CDC5L: variants seen among roughly 807,000 people sequenced by gnomAD.
The protein encoded by CDC5L is cell division cycle 5-like protein.
In CDC5L, 18 loss-of-function variants were observed where a neutral mutation model predicts 104.1. The ratio of observed to expected loss-of-function variants is 0.17; its 90% CI spans 0.12 to 0.26. CDC5L has a LOEUF of 0.26. CDC5L is among the 10% of genes least tolerant of loss of function. The pLI is 1.00. For synonymous variants in CDC5L, 331 were observed against 322.7 expected (o/e 1.03, Z -0.28); for missense variants, 673 against 956.9 (o/e 0.70, Z 3.91).
intron 2 of CDC5L, among the ~76,000 whole-genome samples, chr6:44,391,744 A>G (rs1790632213): frequency 6.6e-6 from 1 of 151,874 alleles, no homozygotes; most frequent in Admixed American, 6.6e-5. Context: ...GTGGTGGCTC[A>G]CATCTGTAAG....
At chr6:44,399,002 G>A (rs1790996034) in intron 5 of CDC5L, among the ~76,000 whole-genome samples, 1 of 152,232 alleles carries the variant, frequency 6.6e-6, no homozygotes, top group Non-Finnish European at 1.5e-5. Context: ...GTCTTTCTCT[G>A]TTGCCTAGGC....
At chr6:44,429,541 A>G (rs2153382291) in intron 13 of CDC5L, among the ~76,000 whole-genome samples, 172 bp from the exon 14 acceptor site, 1 of 152,280 alleles carries the variant, frequency 6.6e-6, no homozygotes, top group Middle Eastern at 3.4e-3. Context: ...CATTGACTCA[A>G]AGGCTTCTTA....
In CDC5L at chr6:44,429,175, C is replaced by T. The variant is rs185682316; in HGVS notation, c.1894-538C>T. On this transcript the variant is annotated intron_variant, in intron 13 of 15. Transcript: ENST00000371477. The stretch of plus-strand genomic sequence containing the variant: ...TAGCTAGGATTACAGGCATGTGCCA[C>T]TACGTCCTACTAATTTTTACATTTT... Among the ~76,000 whole-genome samples the T allele has an allele frequency of 5.9e-5, 9 of 152,208 alleles. No homozygotes were observed. The East Asian group carries it at 1.7e-3, about 29-fold the overall frequency.
chr6:44,419,621 A>T (rs1363704332), intron 9 of CDC5L, 24 bp downstream of exon 9: 10 of 1,587,622 alleles, frequency 6.3e-6, no homozygotes, highest in Non-Finnish European at 8.6e-6. Context: ...ACACGTTTTT[A>T]TTTTAGAAAA....
At chr6:44,416,088 T>A (rs1209276635) in intron 8 of CDC5L, among the ~76,000 whole-genome samples, 1 of 152,210 alleles carries the variant, frequency 6.6e-6, no homozygotes, top group Non-Finnish European at 1.5e-5. Context: ...GTTTTGCTTC[T>A]GTCTCTTGGC....
rs758055277 is a variant in CDC5L, at chr6:44,426,612, C to A, written c.1781C>A (p.Pro594Gln). 6.2e-7 allele frequency: 1 copy of A among 1,613,284 alleles called. No individual in the cohort carries two copies. The highest frequency in any genetic ancestry group is 1.3e-5 in the African/African-American group (1 of 74,828). Residue 594 changes from proline to glutamine, a missense_variant, in exon 13 of 16, where the codon CCA becomes CAA. Pro to Gln is a moderately conservative substitution (Grantham distance 76). Transcript: ENST00000371477. ...HYDLLHHPYE[P>Q]SGNKKGKTVG... ...GACCTTCTACATCACCCTTATGAAC[C>A]ATCTGGAAATAAAAAAGGCAAAACT...
At chr6:44,393,346 G>T (rs889413000) in intron 3 of CDC5L, 100 bp from the exon 4 acceptor site, 8 of 1,152,156 alleles carry the variant, frequency 6.9e-6, no homozygotes, top group African/African-American at 3.1e-5. Context: ...CCATCCATTG[G>T]TTTTTTTGGG....
Position 44,446,768 on chromosome 6 carries a change from A to T in CDC5L, c.*57A>T. 1.2e-6 allele frequency: 1 copy of T among 820,628 alleles called. No homozygotes were observed. The highest frequency in any genetic ancestry group is 2.0e-6 in the Non-Finnish European group (1 of 505,590). The allele number at this position is 820,628 out of a possible 1,614,324, so 50.8% of individuals were successfully genotyped here. A position where few individuals can be genotyped will look rare whatever the true frequency, so the allele number is the denominator to read the frequency against. On this transcript the variant is annotated 3_prime_UTR_variant, in exon 16 of 16. Coordinates refer to ENST00000371477, the MANE Select transcript of CDC5L (RefSeq NM_001253.4). Reference sequence around the variant, plus strand: ...TAATTGCCGGTTTTCATACTCTAGAAGGCTGAAACTGATGTTTATCTTCAT... The same window carrying T: ...TAATTGCCGGTTTTCATACTCTAGATGGCTGAAACTGATGTTTATCTTCAT...
At chr6:44,442,821 A>G (rs1581663678) in intron 14 of CDC5L, among the ~76,000 whole-genome samples, 1 of 152,168 alleles carries the variant, frequency 6.6e-6, no homozygotes, top group African/African-American at 2.4e-5. Context: ...ATACAAAAAA[A>G]GTTTTATACT....
intron 9 of CDC5L, among the ~76,000 whole-genome samples, chr6:44,421,634 A>C (rs549180310): frequency 6.6e-6 from 1 of 152,340 alleles, no homozygotes; most frequent in Admixed American, 6.5e-5. Flanking sequence ...TGTGGATAAA[A>C]AATATTCCAA....
chr6:44,408,109 G>A (rs556599656), intron 7 of CDC5L, among the ~76,000 whole-genome samples: 1 of 152,086 alleles, frequency 6.6e-6, no homozygotes, highest in Non-Finnish European at 1.5e-5. Context: ...CTCACATTCT[G>A]TAGGGAAGGC....
intron 1 of CDC5L, among the ~76,000 whole-genome samples, chr6:44,389,703 G>C (rs1171111428): frequency 6.6e-6 from 1 of 152,116 alleles, no homozygotes; most frequent in Non-Finnish European, 1.5e-5. Flanking sequence ...GGGGCTGGAG[G>C]GGAAATGCCA....
chr6:44,445,728 G>A lies in CDC5L; in HGVS notation c.2165G>A (p.Gly722Glu). Residue 722 changes from glycine (G) to glutamate (E), a missense_variant, in exon 15 of 16, where the codon GGG becomes GAG. Physicochemically the swap from Gly to Glu is moderately conservative, Grantham distance 98. This residue lies in a region of CDC5L where 578 missense variants were observed against 737.0 expected (regional missense o/e 0.78). Transcript: ENST00000371477. The stretch of plus-strand genomic sequence containing the variant: ...GAAAAGAAGATGAAAATTTTGCTTG[G>A]GGGTTACCAGTCTCGTGCTATGGGG... ...KMEKKMKILL[G>E]GYQSRAMGLM... 1 of 1,614,022 alleles carries A rather than the reference G, an allele frequency of 6.2e-7. No individual in the cohort carries two copies. Among genetic ancestry groups the A allele is most frequent in the Non-Finnish European group, 8.5e-7 (1 of 1,179,958 alleles).
chr6:44,399,561 G>C (rs569697996), intron 5 of CDC5L, among the ~76,000 whole-genome samples: 1 of 152,164 alleles, frequency 6.6e-6, no homozygotes, highest in Admixed American at 6.5e-5. Flanking sequence ...TTGCATAATT[G>C]TTACTGCTCT....
At position 44,448,025 on chromosome 6, in the gene CDC5L, A is replaced by G. The variant is rs910010220; in HGVS notation, c.*1314A>G. On this transcript the variant is annotated 3_prime_UTR_variant, in exon 16 of 16. Transcript: ENST00000371477. The stretch of plus-strand genomic sequence containing the variant: ...CAAAGAGACCTCTTGGAAGGCAGCT[A>G]TGCTCACCACTATACCACTGCACTG... The G allele has an allele frequency of 1.3e-5, 2 of 152,220 alleles. No homozygotes were observed. Among genetic ancestry groups the G allele is most frequent in the Non-Finnish European group, 2.9e-5 (2 of 68,046 alleles). The allele number at this position is 152,220 out of a possible 1,614,324, so 9.4% of individuals were successfully genotyped here. A position where few individuals can be genotyped will look rare whatever the true frequency, so the allele number is the denominator to read the frequency against.
chr6:44,391,555 C>T (rs1348398501), intron 2 of CDC5L, among the ~76,000 whole-genome samples: 1 of 152,214 alleles, frequency 6.6e-6, no homozygotes, highest in East Asian at 1.9e-4. Flanking sequence ...GCTGGTGTCA[C>T]CTCTTAAATC....
intron 14 of CDC5L, among the ~76,000 whole-genome samples, chr6:44,445,285 G>A (rs1793395390): frequency 6.6e-6 from 1 of 152,018 alleles, no homozygotes; most frequent in Admixed American, 6.6e-5. Context: ...TAAATTTTTG[G>A]GATATAGATG....
intron 7 of CDC5L, among the ~76,000 whole-genome samples, chr6:44,406,836 C>T (rs1030298586): frequency 2.0e-5 from 3 of 152,034 alleles, no homozygotes; most frequent in South Asian, 2.1e-4. Flanking sequence ...TCACTGGAAC[C>T]CGGGAGGTGG....
Position 44,449,480 on chromosome 6 carries a change from C to T in CDC5L, c.*2769C>T, listed in dbSNP as rs1793569977. ...GATTAGCCTGGGTAACATAGTGAGA[C>T]CCTGTCTCTATTAAAAAATAATAAT... On this transcript the variant is annotated 3_prime_UTR_variant, in exon 16 of 16. Coordinates refer to ENST00000371477, the MANE Select transcript of CDC5L (RefSeq NM_001253.4). The T allele has an allele frequency of 6.6e-6, 1 of 152,088 alleles. No homozygotes were observed. Among genetic ancestry groups the T allele is most frequent in the Non-Finnish European group, 1.5e-5 (1 of 68,020 alleles). 9.4% of individuals were successfully genotyped at this position (152,088 alleles called of 1,614,324 possible). A position where few individuals can be genotyped will look rare whatever the true frequency, so the allele number is the denominator to read the frequency against.
Sources: gnomAD v4.1 joint callset for allele counts (sites outside exome capture counted in the v4.1 genomes callset) on GRCh38, gnomAD v4.1.1 for gene constraint, gnomAD v4.1.1 regional missense constraint, MANE v1.5 for transcripts, NCBI Gene and HGNC (gene_info 2026-07-23, HGNC 2026-07-21) for gene names.